Variants in C1QTNF3 observed in about 807,000 individuals in gnomAD.
The protein encoded by C1QTNF3 is complement C1q tumor necrosis factor-related protein 3.
A neutral mutation model predicts 32.6 loss-of-function variants in C1QTNF3; 26 were observed. The observed-to-expected ratio is 0.80, with a 90% confidence interval of 0.58 to 1.11. The LOEUF (loss-of-function observed/expected upper bound fraction) is 1.11, where lower values mean the gene tolerates loss of function less well. Ranked by LOEUF, C1QTNF3 falls within the 50% of genes least tolerant of loss-of-function variation. The probability of loss-of-function intolerance (pLI) is 0.00; values close to 1 mark genes in which losing one functional copy is unlikely to be tolerated. For synonymous variants in C1QTNF3, 155 were observed against 146.0 expected (o/e 1.06, Z -0.44); for missense variants, 362 against 398.2 (o/e 0.91, Z 0.77).
chr5:34,130,252 CT>C, the C1QTNF3 span, among the ~76,000 whole-genome samples: 5 of 151,712 alleles, frequency 3.3e-5, no homozygotes, highest in South Asian at 2.1e-4. Flanking sequence ...AATTTAAATA[CT>C]TTTTTTTATA....
At chr5:34,167,075 C>T in the C1QTNF3 span, 2 of 152,098 alleles carry the variant, frequency 1.3e-5, no homozygotes, top group African/African-American at 2.4e-5. Context: ...AATTTCCTTT[C>T]TTTTCACTGG....
chr5:34,045,826 G>C (rs9292521), upstream of C1QTNF3, among the ~76,000 whole-genome samples: 70,638 of 151,884 alleles, frequency 0.47, 17,512 homozygotes, highest in Non-Finnish European at 0.56. Flanking sequence ...AGAGCTGCCA[G>C]GGAGCCTGCC....
chr5:34,177,996 G>C, the C1QTNF3 span, among the ~76,000 whole-genome samples: 3 of 151,542 alleles, frequency 2.0e-5, no homozygotes, highest in Non-Finnish European at 4.4e-5. Flanking sequence ...GCTGGGCATG[G>C]TGGCTCATGC....
chr5:34,092,907 T>TA, the C1QTNF3 span, among the ~76,000 whole-genome samples: 1 of 152,132 alleles, frequency 6.6e-6, no homozygotes, highest in African/African-American at 2.4e-5. Context: ...ATCTTGCTGT[T>TA]AAATTTTATT....
the C1QTNF3 span, among the ~76,000 whole-genome samples, chr5:34,156,263 GT>G: frequency 2.0e-5 from 3 of 152,006 alleles, no homozygotes; most frequent in Non-Finnish European, 4.4e-5. Flanking sequence ...TAGAGATGGG[GT>G]TTCGCCATGT....
chr5:34,030,353 G>A (rs1754581145), intron 3 of C1QTNF3, among the ~76,000 whole-genome samples: 2 of 152,188 alleles, frequency 1.3e-5, no homozygotes, highest in African/African-American at 2.4e-5. Flanking sequence ...GCAACCAAGA[G>A]GCTCTATGAG....
the C1QTNF3 span, among the ~76,000 whole-genome samples, chr5:34,175,242 C>G: frequency 0.036 from 5,394 of 151,092 alleles, 117 homozygotes; most frequent in Admixed American, 0.05. Flanking sequence ...TGGGGGTCCT[C>G]CTATGCTGAA....
At chr5:34,063,327 T>C in the C1QTNF3 span, among the ~76,000 whole-genome samples, 517 of 151,602 alleles carry the variant, frequency 3.4e-3, 4 homozygotes, top group African/African-American at 0.012. Flanking sequence ...CTCCCTTTTC[T>C]CTCTCTGTCT....
At chr5:34,044,761 C>T (rs1473748460), upstream of C1QTNF3, among the ~76,000 whole-genome samples, 1 of 152,170 alleles carries the variant, frequency 6.6e-6, no homozygotes, top group Non-Finnish European at 1.5e-5. Context: ...AGTCAGTTCC[C>T]ACCTAGTAGG....
the C1QTNF3 span, among the ~76,000 whole-genome samples, chr5:34,171,365 CATAAAT>C: frequency 6.6e-6 from 1 of 150,742 alleles, no homozygotes; most frequent in Non-Finnish European, 1.5e-5. Flanking sequence ...AATATATATA[CATAAAT>C]ATATTATATA....
At chr5:34,185,383 A>G in the C1QTNF3 span, among the ~76,000 whole-genome samples, 1 of 152,308 alleles carries the variant, frequency 6.6e-6, no homozygotes, top group Non-Finnish European at 1.5e-5. Context: ...ATAATTAATT[A>G]AATGAAGAAT....
chr5:34,234,726 C>A, the C1QTNF3 span, among the ~76,000 whole-genome samples: 1 of 152,130 alleles, frequency 6.6e-6, no homozygotes, highest in Admixed American at 6.5e-5. Context: ...GTGGAAATAA[C>A]TTTAAGGTCC....
At chr5:34,083,031 G>A in the C1QTNF3 span, among the ~76,000 whole-genome samples, 1 of 151,390 alleles carries the variant, frequency 6.6e-6, no homozygotes, top group African/African-American at 2.4e-5. Flanking sequence ...AATTTGCTAA[G>A]GTGATCTAGT....
At chr5:34,153,718 A>AG in the C1QTNF3 span, among the ~76,000 whole-genome samples, 1 of 95,448 alleles carries the variant, frequency 1.0e-5, no homozygotes, top group South Asian at 4.7e-4. Context: ...GGGTCGGGGG[A>AG]GGGGGGAGGG....
chr5:34,212,609 C>T, the C1QTNF3 span, among the ~76,000 whole-genome samples: 1 of 151,918 alleles, frequency 6.6e-6, no homozygotes, highest in African/African-American at 2.4e-5. Flanking sequence ...TGAACAGACA[C>T]TTCTCAAAAG....
chr5:34,135,378 C>CT, the C1QTNF3 span, among the ~76,000 whole-genome samples: 67 of 152,084 alleles, frequency 4.4e-4, no homozygotes, highest in African/African-American at 1.6e-3. Context: ...CTAAAATTCT[C>CT]TTATTTTTTT....
At chr5:34,128,808 C>A in the C1QTNF3 span, among the ~76,000 whole-genome samples, 1 of 152,104 alleles carries the variant, frequency 6.6e-6, no homozygotes, top group Non-Finnish European at 1.5e-5. Flanking sequence ...GCGGAAGGGA[C>A]TTGTTTGTCT....
upstream of C1QTNF3, among the ~76,000 whole-genome samples, chr5:34,044,335 T>C (rs1006992785): frequency 1.3e-5 from 2 of 152,148 alleles, no homozygotes; most frequent in African/African-American, 4.8e-5. Flanking sequence ...CTTAAGAAAA[T>C]GTTACTGGCC....
the C1QTNF3 span, among the ~76,000 whole-genome samples, chr5:34,075,412 A>C: frequency 6.6e-6 from 1 of 151,722 alleles, no homozygotes; most frequent in Admixed American, 6.6e-5. Flanking sequence ...ATGATGTATT[A>C]TATTTGAGTC....
Sources: gnomAD v4.1 joint callset for allele counts (sites outside exome capture counted in the v4.1 genomes callset) on GRCh38, gnomAD v4.1.1 for gene constraint, MANE v1.5 for transcripts, NCBI Gene and HGNC (gene_info 2026-07-23, HGNC 2026-07-21) for gene names.